The following C1QTNF2 variants were observed in gnomAD, a reference collection of about 807,000 sequenced individuals.
The protein encoded by C1QTNF2 is C1q and TNF related 2.
Under a neutral mutation model 17.4 loss-of-function variants are expected in C1QTNF2, and 15 were observed. The observed-to-expected ratio is 0.86, with a 90% CI of 0.58 to 1.33. C1QTNF2 has a LOEUF of 1.33. C1QTNF2 is among the 40% of genes most tolerant of loss of function. The probability of loss-of-function intolerance (pLI) is 0.00; values close to 1 mark genes in which losing one functional copy is unlikely to be tolerated. For missense variants in C1QTNF2, 381 were observed against 392.3 expected, an observed-to-expected ratio of 0.97 and a Z score of 0.24; for synonymous variants, 154 against 163.3, an observed-to-expected ratio of 0.94 and a Z score of 0.44.
chr5:160,364,908 T>C (rs1764219356), intron 1 of C1QTNF2, among the ~76,000 whole-genome samples: 2 of 152,180 alleles, frequency 1.3e-5, no homozygotes, highest in South Asian at 4.2e-4. Context: ...GGTGTGCATG[T>C]GTGCATGATA....
chr5:160,349,515 T>C lies in C1QTNF2; in HGVS notation c.511A>G (p.Lys171Glu). The change falls in exon 3 of 3, where the codon AAG (lysine) becomes GAG (glutamate). Residue 171 changes from lysine (K) to glutamate (E), a missense_variant. By Grantham distance (56) the Lys-to-Glu change is moderately conservative. Coordinates refer to ENST00000652664, the MANE Select transcript of C1QTNF2 (RefSeq NM_031908.6). This position sits in a 1 kb window ranked among gnomAD's most constrained non-coding sequence, Gnocchi z 4.3. The stretch of plus-strand genomic sequence containing the variant: ...TGGCCACCCTCGTTCATCAGAATCT[T>C]GTCAAACTTGATGGGCAGCCGCTCC... The part of the protein sequence containing the change: ...PRERLPIKFD[K>E]ILMNEGGHYN... The C allele has an allele frequency of 6.2e-7, 1 of 1,613,934 alleles. No individual in the cohort carries two copies. Among genetic ancestry groups the C allele is most frequent in the Non-Finnish European group, 8.5e-7 (1 of 1,179,984 alleles).
intron 1 of C1QTNF2, among the ~76,000 whole-genome samples, chr5:160,368,693 T>C (rs574698305): frequency 3.0e-4 from 46 of 152,134 alleles, no homozygotes; most frequent in Non-Finnish European, 4.4e-4. Flanking sequence ...AGAGACTCTG[T>C]TACCCCACAG....
At chr5:160,351,902 G>T (rs1763931591) in intron 2 of C1QTNF2, among the ~76,000 whole-genome samples, 1 of 146,794 alleles carries the variant, frequency 6.8e-6, no homozygotes, top group Admixed American at 6.7e-5. Flanking sequence ...GAGGAATAGA[G>T]ACAGAATCTT....
At chr5:160,350,439 C>A (rs554159995) in intron 2 of C1QTNF2, among the ~76,000 whole-genome samples, 1 of 152,100 alleles carries the variant, frequency 6.6e-6, no homozygotes, top group Non-Finnish European at 1.5e-5. Context: ...CAAGGTGGCT[C>A]GCGTCTATAA....
chr5:160,368,637 G>A (rs1193037262), intron 1 of C1QTNF2, among the ~76,000 whole-genome samples: 1 of 152,176 alleles, frequency 6.6e-6, no homozygotes, highest in East Asian at 1.9e-4. Context: ...AAGGTTGGCA[G>A]GCCTTTGACC....
At chr5:160,352,802 C>T (rs572668073) in intron 2 of C1QTNF2, among the ~76,000 whole-genome samples, 1 of 152,294 alleles carries the variant, frequency 6.6e-6, no homozygotes, top group African/African-American at 2.4e-5. Flanking sequence ...GAGGAGGTAC[C>T]TTTGAAGGAA....
At chr5:160,359,587 C>T (rs13185269) in intron 1 of C1QTNF2, among the ~76,000 whole-genome samples, 83,983 of 152,114 alleles carry the variant, frequency 0.55, 23,249 homozygotes, top group Middle Eastern at 0.64. Flanking sequence ...ACTTTGAAAA[C>T]GTACAAGTGA....
At chr5:160,355,573 C>A (rs186175824) in intron 1 of C1QTNF2, among the ~76,000 whole-genome samples, 1 of 152,152 alleles carries the variant, frequency 6.6e-6, no homozygotes, top group Non-Finnish European at 1.5e-5. Context: ...CTCCCCCAAG[C>A]GCTTCCTGTG....
intron 2 of C1QTNF2, among the ~76,000 whole-genome samples, chr5:160,351,657 A>G (rs1026261490): frequency 1.3e-5 from 2 of 152,154 alleles, no homozygotes; most frequent in African/African-American, 2.4e-5. Flanking sequence ...TACCTAACCA[A>G]TTAATAGTGG....
chr5:160,355,045 CAG>C lies in C1QTNF2; in HGVS notation c.-9-27_-9-26del. 3.3e-6 allele frequency: 5 copies of C among 1,510,368 alleles called. No individual in the cohort carries two copies. The South Asian group carries it at 6.7e-5, about 20-fold the overall frequency. 93.6% of individuals were successfully genotyped at this position (1,510,368 alleles called of 1,614,324 possible). Reference sequence around the variant, plus strand: ...CCTGTGGGAGGCAAGAGAGCTGTGACAGGTGAGTGTGGCCACCAAGCTGACCT... The same window carrying C: ...CCTGTGGGAGGCAAGAGAGCTGTGACGTGAGTGTGGCCACCAAGCTGACCT... On this transcript the variant is annotated intron_variant, in intron 1 of 2. Coordinates refer to ENST00000652664, the MANE Select transcript of C1QTNF2 (RefSeq NM_031908.6).
intron 2 of C1QTNF2, 57 bp downstream of exon 2, chr5:160,354,711 A>C: frequency 6.2e-7 from 1 of 1,605,230 alleles, no homozygotes; most frequent in African/African-American, 1.3e-5. Flanking sequence ...GATGCCCCCC[A>C]CATGCCGGAT....
At chr5:160,363,744 G>C (rs1764196717) in intron 1 of C1QTNF2, among the ~76,000 whole-genome samples, 1 of 152,244 alleles carries the variant, frequency 6.6e-6, no homozygotes, top group South Asian at 2.1e-4. Flanking sequence ...AAGGGCAAGA[G>C]TCAGGCTCTG....
Position 160,370,546 on chromosome 5 carries a change from G to C in C1QTNF2, c.-44C>G. ...TGCCCGCCACGTCCAGGGGCGTCCGGAGCAAAGAAGCTCTCGGCGGGGCTC... is the reference window on the plus strand; with the variant it reads ...TGCCCGCCACGTCCAGGGGCGTCCGCAGCAAAGAAGCTCTCGGCGGGGCTC... On this transcript the variant is annotated 5_prime_UTR_variant, in exon 1 of 3. Coordinates refer to ENST00000652664, the MANE Select transcript of C1QTNF2 (RefSeq NM_031908.6). 1 of 1,487,590 alleles carries C rather than the reference G, an allele frequency of 6.7e-7. No individual in the cohort carries two copies. The allele number at this position is 1,487,590 out of a possible 1,614,324, so 92.1% of individuals were successfully genotyped here. A position where few individuals can be genotyped will look rare whatever the true frequency, so the allele number is the denominator to read the frequency against.
intron 1 of C1QTNF2, chr5:160,355,304 A>T: frequency 2.1e-6 from 2 of 934,100 alleles, no homozygotes; most frequent in Non-Finnish European, 2.6e-6. Flanking sequence ...GCTGAAATGG[A>T]TGCAGAACTT....
At chr5:160,356,721 G>A (rs1764058094) in intron 1 of C1QTNF2, among the ~76,000 whole-genome samples, 1 of 152,110 alleles carries the variant, frequency 6.6e-6, no homozygotes, top group African/African-American at 2.4e-5. Flanking sequence ...GCACAGCAGG[G>A]GCATTACTCA....
rs371241726 is a variant in C1QTNF2, at chr5:160,354,746, G to A, written c.244+22C>T. ...TGCTGTCAGCCAGGTGGGAACGAGAGTGGCACGTATAGGCCTCTTACCTTC... is the reference window on the plus strand; with the variant it reads ...TGCTGTCAGCCAGGTGGGAACGAGAATGGCACGTATAGGCCTCTTACCTTC... On this transcript the variant is annotated intron_variant, in intron 2 of 2. Transcript: ENST00000652664. The A allele has an allele frequency of 7.4e-6, 12 of 1,613,342 alleles. No individual in the cohort carries two copies. The African/African-American group carries it at 1.6e-4, about 22-fold the overall frequency.
At chr5:160,370,483 C>A in intron 1 of C1QTNF2, 29 bp downstream of exon 1, 1 of 1,414,264 alleles carries the variant, frequency 7.1e-7, no homozygotes. Flanking sequence ...ACTTGCCGCC[C>A]CCGCCCGACC....
intron 1 of C1QTNF2, among the ~76,000 whole-genome samples, chr5:160,360,623 C>T (rs1163324688): frequency 1.3e-5 from 2 of 152,190 alleles, no homozygotes; most frequent in Middle Eastern, 3.4e-3. Flanking sequence ...AAGTATTAGT[C>T]CTTTCTCACC....
chr5:160,357,145 T>C (rs1471995758), intron 1 of C1QTNF2, among the ~76,000 whole-genome samples: 1 of 152,066 alleles, frequency 6.6e-6, no homozygotes, highest in Non-Finnish European at 1.5e-5. Context: ...GTACCTCCCC[T>C]CCCTTCAACT....
Sources: allele counts gnomAD v4.1 joint callset (sites outside exome capture counted in the v4.1 genomes callset), GRCh38; gene constraint gnomAD v4.1.1; non-coding constraint Gnocchi (gnomAD v3.1); transcripts MANE v1.5; gene names NCBI Gene and HGNC (gene_info 2026-07-23, HGNC 2026-07-21).